MIA2: variants seen among roughly 807,000 people sequenced by gnomAD.
MIA2 encodes melanoma inhibitory activity protein 2.
A neutral mutation model predicts 167.8 loss-of-function variants in MIA2; 127 were observed. The observed-to-expected ratio is 0.76, with a 90% CI of 0.66 to 0.88. MIA2 has a LOEUF of 0.88. Ranked by LOEUF, MIA2 falls within the 40% of genes least tolerant of loss-of-function variation. The pLI is 0.00. For synonymous variants in MIA2, 552 were observed against 541.9 expected (o/e 1.02, Z -0.26); for missense variants, 1,690 against 1,624.7 (o/e 1.04, Z -0.69).
At chr14:39,356,753 C>CT (rs1452474550) in intron 23 of MIA2, among the ~76,000 whole-genome samples, 1 of 152,152 alleles carries the variant, frequency 6.6e-6, no homozygotes, top group African/African-American at 2.4e-5. Context: ...TATGTTGTAT[C>CT]TTTGTTCTCA....
chr14:39,261,800 G>A (rs1168657328), intron 6 of MIA2, among the ~76,000 whole-genome samples: 2 of 152,158 alleles, frequency 1.3e-5, no homozygotes, highest in Admixed American at 6.5e-5. Context: ...TTTGAGAAGT[G>A]TCTGTTCATA....
At chr14:39,321,770 T>TC (rs1265140784) in intron 24 of MIA2, among the ~76,000 whole-genome samples, 1 of 151,702 alleles carries the variant, frequency 6.6e-6, no homozygotes, top group African/African-American at 2.4e-5. Flanking sequence ...TAATTTTTTT[T>TC]TTTTTTTGGA....
chr14:39,378,198 G>C (rs1004017728), intron 23 of MIA2, among the ~76,000 whole-genome samples: 1 of 152,148 alleles, frequency 6.6e-6, no homozygotes, highest in Non-Finnish European at 1.5e-5. Context: ...ATTGTTAAAA[G>C]CTGCAAATAG....
At chr14:39,248,225 C>T (rs2152629006) in intron 4 of MIA2, 84 bp downstream of exon 4, 1 of 1,070,952 alleles carries the variant, frequency 9.3e-7, no homozygotes, top group Middle Eastern at 3.5e-4. Context: ...ATGAAAAAGT[C>T]CAGGAATCCA....
chr14:39,372,346 C>G (rs906856059), intron 23 of MIA2, among the ~76,000 whole-genome samples: 1 of 151,838 alleles, frequency 6.6e-6, no homozygotes, highest in Non-Finnish European at 1.5e-5. Context: ...TCTCATTTTT[C>G]AATTTCAATT....
intron 23 of MIA2, 25 bp from the exon 24 acceptor site, chr14:39,320,903 A>C: frequency 6.2e-7 from 1 of 1,605,298 alleles, no homozygotes; most frequent in South Asian, 1.1e-5. Context: ...CTATGAATTT[A>C]AATATGCTGT....
At chr14:39,330,224 C>T (rs998014138) in intron 25 of MIA2, among the ~76,000 whole-genome samples, 4 of 152,218 alleles carry the variant, frequency 2.6e-5, no homozygotes, top group Admixed American at 6.5e-5. Context: ...GGAATTTATC[C>T]ATTTCTTCTA....
At chr14:39,336,550 A>C (rs1476195086) in intron 25 of MIA2, among the ~76,000 whole-genome samples, 9 of 152,210 alleles carry the variant, frequency 5.9e-5, no homozygotes, top group African/African-American at 2.2e-4. Context: ...CTGCTGAAGC[A>C]TAGTATGTGT....
At chr14:39,316,929 A>G (rs1197122524) in intron 21 of MIA2, among the ~76,000 whole-genome samples, 1 of 152,114 alleles carries the variant, frequency 6.6e-6, no homozygotes, top group East Asian at 1.9e-4. Flanking sequence ...ACAAACAACA[A>G]TGGCCAAGAA....
At chr14:39,368,524 A>T (rs2074869075) in intron 23 of MIA2, among the ~76,000 whole-genome samples, 1 of 152,126 alleles carries the variant, frequency 6.6e-6, no homozygotes, top group Non-Finnish European at 1.5e-5. Flanking sequence ...CAGAGGAGAG[A>T]CATGATTTGG....
chr14:39,333,515 C>T (rs778680023), intron 25 of MIA2, among the ~76,000 whole-genome samples: 5 of 152,164 alleles, frequency 3.3e-5, no homozygotes, highest in Non-Finnish European at 5.9e-5. Flanking sequence ...ATCCCAATCC[C>T]ATTGCCTCAG....
intron 4 of MIA2, among the ~76,000 whole-genome samples, chr14:39,251,595 A>G (rs1189442119): frequency 6.6e-6 from 1 of 151,960 alleles, no homozygotes; most frequent in Non-Finnish European, 1.5e-5. Flanking sequence ...TTTTTTTCTT[A>G]TAGCATAAAA....
At chr14:39,293,060 A>C (rs2060944714) in intron 10 of MIA2, among the ~76,000 whole-genome samples, 2 of 152,210 alleles carry the variant, frequency 1.3e-5, no homozygotes, top group South Asian at 4.1e-4. Context: ...CAAAGACTGC[A>C]TGGCCTACGA....
chr14:39,308,934 TTTTTC>T (rs916368805), intron 18 of MIA2, among the ~76,000 whole-genome samples: 18 of 152,274 alleles, frequency 1.2e-4, no homozygotes, highest in African/African-American at 4.1e-4. Flanking sequence ...GTAAAACTGA[TTTTTC>T]TGTTCTGTGC....
At chr14:39,331,655 G>C (rs573350010) in intron 25 of MIA2, among the ~76,000 whole-genome samples, 1 of 152,270 alleles carries the variant, frequency 6.6e-6, no homozygotes, top group Admixed American at 6.5e-5. Context: ...AGGCCTGGTG[G>C]AGCCAAAATC....
intron 9 of MIA2, among the ~76,000 whole-genome samples, chr14:39,280,922 T>C (rs1378608574): frequency 6.0e-4 from 43 of 71,418 alleles, no homozygotes; most frequent in African/African-American, 3.6e-3. Flanking sequence ...TTTTTTTTTT[T>C]TTTTTTTTTT....
At chr14:39,346,458 A>C (rs533137354) in intron 26 of MIA2, among the ~76,000 whole-genome samples, 80 of 152,210 alleles carry the variant, frequency 5.3e-4, no homozygotes, top group African/African-American at 1.9e-3. Context: ...CTTAGATATA[A>C]CTAACATGTA....
At chr14:39,311,499 A>G (rs2064259965) in intron 18 of MIA2, among the ~76,000 whole-genome samples, 5 of 110,662 alleles carry the variant, frequency 4.5e-5, no homozygotes, top group African/African-American at 1.4e-4. Context: ...TTTTGGTGAG[A>G]TGAAGTCTTG....
chr14:39,249,842 A>G (rs760426427), intron 4 of MIA2, among the ~76,000 whole-genome samples: 8 of 152,222 alleles, frequency 5.3e-5, no homozygotes, highest in Non-Finnish European at 1.0e-4. Context: ...CAAACTCAGA[A>G]GGAAACACAT....
Sources: gnomAD v4.1 joint callset for allele counts (sites outside exome capture counted in the v4.1 genomes callset) on GRCh38, gnomAD v4.1.1 for gene constraint, MANE v1.5 for transcripts, NCBI Gene and HGNC (gene_info 2026-07-23, HGNC 2026-07-21) for gene names.